LAMA1: variants seen among roughly 807,000 people sequenced by gnomAD.
LAMA1 encodes the protein laminin subunit alpha 1, also known as laminin subunit alpha-1.
In LAMA1, 219 loss-of-function variants were observed where a neutral mutation model predicts 348.7. That is an observed-to-expected ratio of 0.63 (90% confidence interval 0.56 to 0.70). LAMA1 has a LOEUF of 0.70. Ranked by LOEUF, LAMA1 falls within the 30% of genes least tolerant of loss-of-function variation. The pLI is 0.00. For synonymous variants in LAMA1, 1,487 were observed against 1,491.0 expected (o/e 1.00, Z 0.06); for missense variants, 3,744 against 3,888.0 (o/e 0.96, Z 0.99).
chr18:7,101,704 G>A (rs1191890505), intron 1 of LAMA1, among the ~76,000 whole-genome samples: 1 of 152,184 alleles, frequency 6.6e-6, no homozygotes, highest in Non-Finnish European at 1.5e-5. Flanking sequence ...GTCTCACCCT[G>A]TGGCTCAGGC....
chr18:6,957,044 C>T (rs970533458), intron 55 of LAMA1: 34 of 415,364 alleles, frequency 8.2e-5, no homozygotes, highest in African/African-American at 6.1e-4. Context: ...GCTCCGATGC[C>T]ATCGCCTCCT....
intron 22 of LAMA1, among the ~76,000 whole-genome samples, chr18:7,014,410 C>T (rs1457857338): frequency 6.6e-6 from 1 of 152,104 alleles, no homozygotes; most frequent in Non-Finnish European, 1.5e-5. Context: ...CACTTGAGCC[C>T]AGGAGTTTGA....
Position 6,949,337 on chromosome 18 carries a change from G to GCAACAT in LAMA1, c.8398-84_8398-79dup. On this transcript the variant is annotated intron_variant, in intron 58 of 62. Coordinates refer to ENST00000389658, the MANE Select transcript of LAMA1 (RefSeq NM_005559.4). The stretch of plus-strand genomic sequence containing the variant: ...AACAGATGTATAAACTTTAACAGAT[G>GCAACAT]CAACATCTGTTTCTGAGAGCTATAA... The GCAACAT allele has an allele frequency of 2.2e-6, 3 of 1,348,038 alleles. No individual in the cohort carries two copies. The South Asian group carries it at 3.6e-5, about 16-fold the overall frequency. The allele number at this position is 1,348,038 out of a possible 1,614,324, so 83.5% of individuals were successfully genotyped here. A position where few individuals can be genotyped will look rare whatever the true frequency, so the allele number is the denominator to read the frequency against.
chr18:6,966,292 T>C lies in LAMA1; in HGVS notation c.6905A>G (p.Gln2302Arg). The C allele has an allele frequency of 1.2e-6, 2 of 1,613,494 alleles. No individual in the cohort carries two copies. Among genetic ancestry groups the C allele is most frequent in the Non-Finnish European group, 1.7e-6 (2 of 1,179,806 alleles). The part of the protein sequence containing the change: ...GKCRGCFGSS[Q>R]NEDPSFHFDG... ...AAAATGGAAGGAAGGGTCTTCATTC[T>C]GGGAGCTGCAAAGCAGAAGAGATGA... Residue 2302 changes from glutamine (Q) to arginine (R), a missense_variant, in exon 49 of 63, where the codon CAG becomes CGG. Physicochemically the swap from Gln to Arg is conservative, Grantham distance 43. This residue lies in a region of LAMA1 where 1,983 missense variants were observed against 1,934.3 expected (regional missense o/e 1.03). Coordinates refer to ENST00000389658, the MANE Select transcript of LAMA1 (RefSeq NM_005559.4).
At chr18:7,061,003 A>C (rs989783724) in intron 3 of LAMA1, among the ~76,000 whole-genome samples, 1 of 152,154 alleles carries the variant, frequency 6.6e-6, no homozygotes, top group African/African-American at 2.4e-5. Context: ...AAAAACTACA[A>C]AAAAAATCAT....
At chr18:7,049,424 C>T (rs926573867) in intron 4 of LAMA1, among the ~76,000 whole-genome samples, 167 bp from the exon 5 acceptor site, 3 of 152,112 alleles carry the variant, frequency 2.0e-5, no homozygotes, top group Non-Finnish European at 2.9e-5. Context: ...CTCAGCCTCC[C>T]GAGTAGCTGG....
At chr18:7,086,651 G>C (rs529913564) in intron 1 of LAMA1, among the ~76,000 whole-genome samples, 1 of 152,102 alleles carries the variant, frequency 6.6e-6, no homozygotes, top group Non-Finnish European at 1.5e-5. Flanking sequence ...ACAGTGTCTG[G>C]CTCGCGTGAA....
intron 42 of LAMA1, 144 bp from the exon 43 acceptor site, chr18:6,978,522 C>CT (rs143660159): frequency 0.036 from 29,076 of 797,218 alleles, 1,392 homozygotes; most frequent in African/African-American, 0.19. Flanking sequence ...TGTCTGTTTG[C>CT]TTTTTTTTCT....
intron 1 of LAMA1, among the ~76,000 whole-genome samples, chr18:7,099,502 AT>A (rs945735669): frequency 4.0e-5 from 6 of 151,580 alleles, no homozygotes; most frequent in Non-Finnish European, 5.9e-5. Flanking sequence ...AAAAAAAAAA[AT>A]GAACTTACAC....
At chr18:7,092,317 A>G (rs1568064534) in intron 1 of LAMA1, among the ~76,000 whole-genome samples, 1 of 152,180 alleles carries the variant, frequency 6.6e-6, no homozygotes, top group Admixed American at 6.5e-5. Context: ...CTCAGTTCCA[A>G]CTGAGAAGCT....
At chr18:7,010,896 G>T (rs1295033766) in intron 25 of LAMA1, among the ~76,000 whole-genome samples, 1 of 152,126 alleles carries the variant, frequency 6.6e-6, no homozygotes, top group East Asian at 1.9e-4. Flanking sequence ...AACACAGTGG[G>T]TCCCATACCA....
chr18:7,015,641 A>C, intron 22 of LAMA1, 81 bp downstream of exon 22: 1 of 1,552,942 alleles, frequency 6.4e-7, no homozygotes, highest in Non-Finnish European at 8.9e-7. Flanking sequence ...AAAGTCCAGA[A>C]AATATATAGA....
intron 1 of LAMA1, among the ~76,000 whole-genome samples, chr18:7,083,342 C>T (rs1021516708): frequency 5.9e-5 from 9 of 151,740 alleles, no homozygotes; most frequent in African/African-American, 4.8e-5. Flanking sequence ...CGCACCACCA[C>T]GCCCAGCTAA....
chr18:7,052,023 A>G (rs1235080405), intron 3 of LAMA1, among the ~76,000 whole-genome samples: 1 of 152,180 alleles, frequency 6.6e-6, no homozygotes, highest in Non-Finnish European at 1.5e-5. Flanking sequence ...AGCAACCAAG[A>G]TGTCCTTTAA....
At chr18:7,039,404 G>A (rs2058010685) in intron 10 of LAMA1, among the ~76,000 whole-genome samples, 1 of 152,092 alleles carries the variant, frequency 6.6e-6, no homozygotes, top group Non-Finnish European at 1.5e-5. Flanking sequence ...ATATTGTAAG[G>A]CCAAATAAAA....
intron 56 of LAMA1, chr18:6,955,876 C>G: frequency 2.8e-6 from 1 of 353,932 alleles, no homozygotes; most frequent in Non-Finnish European, 5.5e-6. Context: ...GAGGTGCCCA[C>G]AGGTGACATG....
Position 6,986,133 on chromosome 18 carries a change from T to G in LAMA1, c.5379+4A>C, listed in dbSNP as rs764985830. 6.2e-7 allele frequency: 1 copy of G among 1,614,088 alleles called. No homozygotes were observed. Among genetic ancestry groups the G allele is most frequent in the Admixed American group, 1.7e-5 (1 of 60,026 alleles). Reference sequence around the variant, plus strand: ...TTGAGAAGGAGAGAGCAAGTGAGACTCACACTGAATTCTCTCAGATTAGCA... The same window carrying G: ...TTGAGAAGGAGAGAGCAAGTGAGACGCACACTGAATTCTCTCAGATTAGCA... On this transcript the variant is annotated splice_donor_region_variant and intron_variant, in intron 37 of 62. Coordinates refer to ENST00000389658, the MANE Select transcript of LAMA1 (RefSeq NM_005559.4).
At chr18:7,087,463 C>T (rs952050190) in intron 1 of LAMA1, among the ~76,000 whole-genome samples, 3 of 152,158 alleles carry the variant, frequency 2.0e-5, no homozygotes, top group Admixed American at 1.3e-4. Flanking sequence ...TGCTTCCAGC[C>T]GATGCCCATG....
At chr18:6,980,418 G>C (rs528028672) in intron 42 of LAMA1, 103 bp downstream of exon 42, 3 of 824,112 alleles carry the variant, frequency 3.6e-6, no homozygotes, top group East Asian at 2.4e-5. Context: ...TCATTTTTGA[G>C]CTAAAGCCTT....
Sources: gnomAD v4.1 joint callset for allele counts (sites outside exome capture counted in the v4.1 genomes callset) on GRCh38, gnomAD v4.1.1 for gene constraint, gnomAD v4.1.1 regional missense constraint, MANE v1.5 for transcripts, NCBI Gene and HGNC (gene_info 2026-07-23, HGNC 2026-07-21) for gene names.